Variants in TRPC5 observed in about 807,000 individuals in gnomAD.
The protein encoded by TRPC5 is short transient receptor potential channel 5.
In TRPC5, 9 loss-of-function variants were observed where a neutral mutation model predicts 56.5. The observed-to-expected ratio is 0.16, with a 90% CI of 0.10 to 0.28. The LOEUF is 0.28. TRPC5 is among the 10% of genes least tolerant of loss of function. The probability of loss-of-function intolerance (pLI) is 1.00; values close to 1 mark genes in which losing one functional copy is unlikely to be tolerated. For synonymous variants in TRPC5, 282 were observed against 278.5 expected, an observed-to-expected ratio of 1.01 and a Z score of -0.13; for missense variants, 469 against 748.9, an observed-to-expected ratio of 0.63 and a Z score of 4.36.
chrX:112,058,655 C>T (rs1930393077), intron 1 of TRPC5, among the ~76,000 whole-genome samples: 1 of 112,236 alleles, frequency 8.9e-6, no homozygotes, highest in Non-Finnish European at 1.9e-5. Flanking sequence ...TTGCCATATA[C>T]TCTCATCATC....
intron 1 of TRPC5, among the ~76,000 whole-genome samples, chrX:112,043,746 G>A (rs1243116841): frequency 9.1e-6 from 1 of 110,215 alleles, no homozygotes; most frequent in African/African-American, 3.3e-5. Context: ...AAAACTTAGA[G>A]AGAAAATGGG....
chrX:111,969,656 G>A (rs1184729348), intron 1 of TRPC5, among the ~76,000 whole-genome samples: 1 of 111,520 alleles, frequency 9.0e-6, no homozygotes, highest in African/African-American at 3.3e-5. Context: ...ACAGATGTAG[G>A]AGCTAGGAGA....
chrX:112,032,714 G>C (rs1038815194), intron 1 of TRPC5, among the ~76,000 whole-genome samples: 3 of 111,987 alleles, frequency 2.7e-5, no homozygotes, highest in African/African-American at 9.7e-5. Context: ...TTTCATAGTG[G>C]CTGAACCATT....
intron 3 of TRPC5, among the ~76,000 whole-genome samples, chrX:111,868,375 A>G (rs1361859252): frequency 8.9e-6 from 1 of 112,548 alleles, no homozygotes; most frequent in Non-Finnish European, 1.9e-5. Flanking sequence ...CTGCTGGGAA[A>G]GCTATCAGCA....
At chrX:112,016,163 CAG>C (rs1200147321) in intron 1 of TRPC5, among the ~76,000 whole-genome samples, 3 of 111,695 alleles carry the variant, frequency 2.7e-5, no homozygotes, top group Non-Finnish European at 5.6e-5. Context: ...AACAACTAGA[CAG>C]AGATGATGAG....
chrX:111,861,807 G>A (rs1371675535), intron 3 of TRPC5, among the ~76,000 whole-genome samples: 1 of 111,665 alleles, frequency 9.0e-6, no homozygotes, highest in Admixed American at 9.5e-5. Flanking sequence ...ACTGACAAGT[G>A]AAGCCTTATT....
At chrX:111,812,743 G>A (rs1158025921) in intron 7 of TRPC5, among the ~76,000 whole-genome samples, 1 of 112,058 alleles carries the variant, frequency 8.9e-6, no homozygotes, top group Non-Finnish European at 1.9e-5. Flanking sequence ...GCTAATTGTT[G>A]AGTAAGGTAA....
intron 1 of TRPC5, among the ~76,000 whole-genome samples, chrX:112,001,173 C>T (rs1249853156): frequency 9.0e-6 from 1 of 111,657 alleles, no homozygotes; most frequent in African/African-American, 3.3e-5. Flanking sequence ...CCAGGTGGTC[C>T]AGCTTTGCTC....
At chrX:111,956,605 G>A (rs748849308) in intron 1 of TRPC5, among the ~76,000 whole-genome samples, 8 of 111,505 alleles carry the variant, frequency 7.2e-5, no homozygotes, top group South Asian at 3.8e-4. Context: ...TAAAAGCACA[G>A]GGGTGGGCTG....
chrX:111,953,418 C>T (rs1414419403), intron 1 of TRPC5, among the ~76,000 whole-genome samples: 1 of 112,281 alleles, frequency 8.9e-6, no homozygotes. Context: ...TGTCTTCAAT[C>T]ACATAGAATG....
At chrX:112,020,365 C>T (rs1471855434) in intron 1 of TRPC5, among the ~76,000 whole-genome samples, 1 of 112,149 alleles carries the variant, frequency 8.9e-6, no homozygotes, top group Non-Finnish European at 1.9e-5. Context: ...AGGACAGGGA[C>T]TCAGAGGTTC....
chrX:112,010,580 C>T (rs1016760540), intron 1 of TRPC5, among the ~76,000 whole-genome samples: 6 of 109,904 alleles, frequency 5.5e-5, no homozygotes, highest in African/African-American at 1.0e-4. Context: ...ATATTGTAGG[C>T]GATTGTAACA....
chrX:112,027,898 C>T (rs12012144), intron 1 of TRPC5, among the ~76,000 whole-genome samples: 8,678 of 111,892 alleles, frequency 0.078, 317 homozygotes, highest in African/African-American at 0.13. Flanking sequence ...ATGATATTTG[C>T]ATACTTTACT....
At chrX:111,825,167 C>T (rs1922166860) in intron 7 of TRPC5, among the ~76,000 whole-genome samples, 1 of 72,597 alleles carries the variant, frequency 1.4e-5, no homozygotes, top group Non-Finnish European at 2.6e-5. Context: ...TTCTTTCTTT[C>T]TTTCTTTCTT....
At chrX:112,081,468 G>C (rs190470974) in intron 1 of TRPC5, among the ~76,000 whole-genome samples, 1 of 111,310 alleles carries the variant, frequency 9.0e-6, no homozygotes, top group African/African-American at 3.3e-5. Context: ...GGCTTTTGAC[G>C]AAGGGCAGGT....
intron 1 of TRPC5, among the ~76,000 whole-genome samples, chrX:111,980,927 A>G (rs1055420568): frequency 1.4e-5 from 1 of 73,142 alleles, no homozygotes; most frequent in Non-Finnish European, 2.6e-5. Context: ...ATATATATAC[A>G]CACACACACA....
intron 7 of TRPC5, among the ~76,000 whole-genome samples, chrX:111,805,075 C>G (rs921344405): frequency 2.7e-5 from 3 of 111,692 alleles, no homozygotes; most frequent in Admixed American, 9.5e-5. Context: ...GTTGAATTTT[C>G]TTGAAGGCCT....
At chrX:111,856,922 T>C (rs1923254874) in intron 3 of TRPC5, among the ~76,000 whole-genome samples, 1 of 110,243 alleles carries the variant, frequency 9.1e-6, no homozygotes, top group African/African-American at 3.3e-5. Flanking sequence ...AATAAAGCAG[T>C]TGCAACTGGC....
chrX:111,959,324 A>G (rs894581773), intron 1 of TRPC5, among the ~76,000 whole-genome samples: 2 of 112,140 alleles, frequency 1.8e-5, no homozygotes, highest in Admixed American at 1.9e-4. Context: ...ATACTATTTA[A>G]GCTATGTTAT....
Sources: allele counts gnomAD v4.1 joint callset (sites outside exome capture counted in the v4.1 genomes callset), GRCh38; gene constraint gnomAD v4.1.1; transcripts MANE v1.5; gene names NCBI Gene and HGNC (gene_info 2026-07-23, HGNC 2026-07-21).